Variants in FRMPD1 observed in about 807,000 individuals in gnomAD.
The protein encoded by FRMPD1 is FERM and PDZ domain-containing protein 1.
In FRMPD1, 76 loss-of-function variants were observed where a neutral mutation model predicts 117.8. The ratio of observed to expected loss-of-function variants is 0.65; its 90% CI spans 0.54 to 0.78. FRMPD1 has a LOEUF of 0.78. FRMPD1 is among the 30% of genes least tolerant of loss of function. The pLI is 0.00. For synonymous variants in FRMPD1, 783 were observed against 770.4 expected (o/e 1.02, Z -0.27); for missense variants, 1,786 against 1,964.5 (o/e 0.91, Z 1.72).
chr9:37,696,390 A>G (rs112249981), intron 2 of FRMPD1, among the ~76,000 whole-genome samples: 1,556 of 152,214 alleles, frequency 0.01, 24 homozygotes, highest in African/African-American at 0.034. Context: ...ATATGAGACC[A>G]GGGACCCTGA....
chr9:37,703,598 T>C (rs1321183005), intron 2 of FRMPD1, among the ~76,000 whole-genome samples: 1 of 152,186 alleles, frequency 6.6e-6, no homozygotes, highest in African/African-American at 2.4e-5. Flanking sequence ...GTTCTTAGTG[T>C]ATTCACAGAT....
Position 37,745,282 on chromosome 9 carries a change from A to AT in FRMPD1, c.3250_3251insT (p.Ser1084MetfsTer2). On this transcript the variant is annotated frameshift_variant, in exon 16 of 16. Transcript: ENST00000377765. LOFTEE classifies it low-confidence loss of function (END_TRUNC). ...GTTGTCTCCTAGAGATGAGCCTAGAAGTGATGAATGTGGAATAAATCCAGG... is the reference window on the plus strand; with the variant it reads ...GTTGTCTCCTAGAGATGAGCCTAGAATGTGATGAATGTGGAATAAATCCAGG... 1 of 1,612,496 alleles carries AT rather than the reference A, an allele frequency of 6.2e-7. No homozygotes were observed. Among genetic ancestry groups the AT allele is most frequent in the Non-Finnish European group, 8.5e-7 (1 of 1,178,502 alleles).
chr9:37,711,886 A>G lies in FRMPD1; in HGVS notation c.408+491A>G, dbSNP rs181253020. Among the ~76,000 whole-genome samples, 94 of 152,298 alleles carry G rather than the reference A, an allele frequency of 6.2e-4. 1 individual carries two copies. In the East Asian group the frequency reaches 0.018, roughly 29 times the overall value. On this transcript the variant is annotated intron_variant, in intron 5 of 15. Coordinates refer to ENST00000377765, the MANE Select transcript of FRMPD1 (RefSeq NM_014907.3). ...TGGCATAGATGATGCACAGGGAGGA[A>G]GCGGCAATCCTAAACCACCACAGGC...
chr9:37,746,766 G>A lies in FRMPD1; in HGVS notation c.4734G>A (p.Leu1578=). ...LTQKFRASTA[L] is the part of the protein sequence containing the mutation. ...AGAAGTTCCGGGCATCCACGGCCCT[G>A]TAAACAGGTCAACGGCCCAAGGGCC... is the stretch of plus-strand genomic sequence containing the variant. The change falls in exon 16 of 16, where the codon CTG becomes CTA. Residue 1578 remains leucine (L), a synonymous_variant. Coordinates refer to ENST00000377765, the MANE Select transcript of FRMPD1 (RefSeq NM_014907.3). 6.2e-7 allele frequency: 1 copy of A among 1,612,938 alleles called. No individual in the cohort carries two copies. The highest frequency in any genetic ancestry group is 8.5e-7 in the Non-Finnish European group (1 of 1,179,204).
At chr9:37,672,496 G>T (rs1821386905) in intron 1 of FRMPD1, among the ~76,000 whole-genome samples, 1 of 152,174 alleles carries the variant, frequency 6.6e-6, no homozygotes, top group South Asian at 2.1e-4. Flanking sequence ...GTTGTAAGCT[G>T]TTTCCATGCA....
Position 37,686,375 on chromosome 9 carries a change from A to T in FRMPD1, c.-4-6263A>T, listed in dbSNP as rs147287243. ...TAACAATAAGATGGGTCCAACAGGG[A>T]ATGACAGAACATAAGAGGCCAGATG... On this transcript the variant is annotated intron_variant, in intron 1 of 15. Transcript: ENST00000377765. Among the ~76,000 whole-genome samples the T allele has an allele frequency of 2.5e-3, 377 of 152,358 alleles. 1 individual carries two copies. The highest frequency in any genetic ancestry group is 8.4e-3 in the African/African-American group (351 of 41,588).
At position 37,740,842 on chromosome 9, in the gene FRMPD1, T is replaced by C; in HGVS notation, c.2314T>C (p.Tyr772His). 1.2e-6 allele frequency: 2 copies of C among 1,614,146 alleles called. No individual in the cohort carries two copies. The highest frequency in any genetic ancestry group is 1.1e-5 in the South Asian group (1 of 91,076). Residue 772 changes from tyrosine (Y) to histidine (H), a missense_variant, in exon 15 of 16, where the codon TAT becomes CAT. By Grantham distance (83) the Tyr-to-His change is moderately conservative. Transcript: ENST00000377765. The surrounding 1 kb of genome is among the most constrained non-coding windows in gnomAD (Gnocchi z 4.2). Reference protein sequence around the residue: ...FEDGSSDEEYYDAADKLTPPG... With the variant: ...FEDGSSDEEYHDAADKLTPPG... ...GGATGGCAGCTCAGATGAGGAATACTATGACGCGGCTGATAAGCTCACTCC... is the reference window on the plus strand; with the variant it reads ...GGATGGCAGCTCAGATGAGGAATACCATGACGCGGCTGATAAGCTCACTCC...
At chr9:37,610,880 G>C in the FRMPD1 span, among the ~76,000 whole-genome samples, 1 of 152,164 alleles carries the variant, frequency 6.6e-6, no homozygotes, top group African/African-American at 2.4e-5. Context: ...GGGATTACAG[G>C]CGTGAGCCAC....
the FRMPD1 span, among the ~76,000 whole-genome samples, chr9:37,611,319 C>T: frequency 3.3e-5 from 5 of 152,120 alleles, no homozygotes; most frequent in Admixed American, 1.3e-4. Context: ...TGTGCTTATG[C>T]GAATCTACAT....
the FRMPD1 span, among the ~76,000 whole-genome samples, chr9:37,636,035 A>AG: frequency 1.3e-5 from 2 of 152,194 alleles, no homozygotes; most frequent in Non-Finnish European, 2.9e-5. Context: ...CGGCAGGAGC[A>AG]GACTTTCTCC....
At chr9:37,610,475 A>AC in the FRMPD1 span, among the ~76,000 whole-genome samples, 1 of 132,782 alleles carries the variant, frequency 7.5e-6, no homozygotes, top group African/African-American at 3.0e-5. Context: ...CTCTGTCAAA[A>AC]AAACAACAAC....
chr9:37,675,310 A>C (rs573982130), intron 1 of FRMPD1, among the ~76,000 whole-genome samples: 8 of 151,936 alleles, frequency 5.3e-5, no homozygotes, highest in African/African-American at 1.9e-4. Flanking sequence ...TAATCCAGCT[A>C]CTCGGGTGGC....
At chr9:37,605,743 C>T in the FRMPD1 span, among the ~76,000 whole-genome samples, 3 of 151,664 alleles carry the variant, frequency 2.0e-5, no homozygotes, top group Non-Finnish European at 4.4e-5. Flanking sequence ...GAGACAAGGT[C>T]TCACTCTGTC....
chr9:37,721,189 GGTT>G (rs1364599807), intron 6 of FRMPD1, among the ~76,000 whole-genome samples: 1 of 152,170 alleles, frequency 6.6e-6, no homozygotes, highest in African/African-American at 2.4e-5. Context: ...AGACTTGGAA[GGTT>G]GGGGCACCTC....
In FRMPD1 at chr9:37,733,517, G is replaced by A. The variant is rs148144624; in HGVS notation, c.1040G>A (p.Arg347Gln). The stretch of plus-strand genomic sequence containing the variant: ...AACTTTATATCTCCAACTTTACTCC[G>A]AAACATGAAAGGCAAAGACATCAAG... ...IENFISPTLL[R>Q]NMKGKDIKKA... Residue 347 changes from arginine (R) to glutamine (Q), a missense_variant, in exon 11 of 16, where the codon CGA becomes CAA. Transcript: ENST00000377765. The A allele has an allele frequency of 7.1e-5, 114 of 1,613,630 alleles. No individual in the cohort carries two copies. Among genetic ancestry groups the A allele is most frequent in the Middle Eastern group, 1.6e-4 (1 of 6,084 alleles).
the FRMPD1 span, among the ~76,000 whole-genome samples, chr9:37,611,428 A>G: frequency 6.6e-6 from 1 of 152,220 alleles, no homozygotes; most frequent in African/African-American, 2.4e-5. Flanking sequence ...CTTACTCTTG[A>G]AGATCTAATA....
chr9:37,714,453 G>C (rs1337634464), intron 5 of FRMPD1, among the ~76,000 whole-genome samples: 2 of 152,166 alleles, frequency 1.3e-5, no homozygotes, highest in East Asian at 3.8e-4. Context: ...AGAGGAACGT[G>C]CTCTGGAGGT....
chr9:37,607,344 G>A, the FRMPD1 span, among the ~76,000 whole-genome samples: 129 of 152,122 alleles, frequency 8.5e-4, 1 homozygote, highest in Admixed American at 1.4e-3. Flanking sequence ...AAAAGAATCC[G>A]GGGAAAGGAA....
the FRMPD1 span, among the ~76,000 whole-genome samples, chr9:37,625,444 C>T: frequency 6.6e-6 from 1 of 152,110 alleles, no homozygotes; most frequent in African/African-American, 2.4e-5. Context: ...CTGAGGAAAG[C>T]CTTCCGTATT....
Sources: allele counts gnomAD v4.1 joint callset (sites outside exome capture counted in the v4.1 genomes callset), GRCh38; gene constraint gnomAD v4.1.1; non-coding constraint Gnocchi (gnomAD v3.1); transcripts MANE v1.5; gene names NCBI Gene and HGNC (gene_info 2026-07-23, HGNC 2026-07-21).